Variants in TULP4 observed in about 807,000 individuals in gnomAD.
The protein encoded by TULP4 is tubby-related protein 4.
TULP4 carries 16 observed loss-of-function variants against 129.0 expected under a neutral mutation model. The ratio of observed to expected loss-of-function variants is 0.12; its 90% CI spans 0.08 to 0.19. The LOEUF is 0.19. TULP4 is among the 10% of genes least tolerant of loss of function. The pLI is 1.00. For missense variants in TULP4, 1,842 were observed against 2,059.1 expected (o/e 0.89, Z 2.04); for synonymous variants, 998 against 854.0 (o/e 1.17, Z -2.94).
intron 5 of TULP4, among the ~76,000 whole-genome samples, chr6:158,454,841 G>A (rs999632534): frequency 2.6e-5 from 4 of 151,734 alleles, no homozygotes; most frequent in African/African-American, 9.7e-5. Context: ...TCTGACCTCA[G>A]GTGATCCACC....
intron 1 of TULP4, among the ~76,000 whole-genome samples, chr6:158,405,633 A>G (rs968928302): frequency 4.6e-5 from 7 of 152,172 alleles, no homozygotes; most frequent in African/African-American, 1.7e-4. Flanking sequence ...GTCTAGACAC[A>G]TTCCAGAGCC....
chr6:158,287,708 G>A (rs1778855696), intron 1 of TULP4, among the ~76,000 whole-genome samples: 1 of 152,208 alleles, frequency 6.6e-6, no homozygotes, highest in Admixed American at 6.5e-5. Context: ...AAAGTTGGGG[G>A]AATTTGGGAT....
chr6:158,351,660 A>G (rs1371400409), intron 1 of TULP4, among the ~76,000 whole-genome samples: 2 of 147,106 alleles, frequency 1.4e-5, no homozygotes, highest in African/African-American at 5.0e-5. Context: ...AAAGCTGATG[A>G]ATTTGTGATG....
intron 6 of TULP4, among the ~76,000 whole-genome samples, chr6:158,466,860 T>C (rs1363366609): frequency 2.5e-5 from 3 of 121,562 alleles, no homozygotes; most frequent in East Asian, 4.5e-4. Context: ...TTGCACCTGC[T>C]CTTTGTGGGT....
chr6:158,344,162 C>G (rs968022775), intron 1 of TULP4, among the ~76,000 whole-genome samples: 1 of 152,192 alleles, frequency 6.6e-6, no homozygotes, highest in Non-Finnish European at 1.5e-5. Context: ...GAGATCCACC[C>G]CCTGCCCGCA....
chr6:158,237,982 T>G (rs1390204741), intron 1 of TULP4: 9 of 725,662 alleles, frequency 1.2e-5, no homozygotes, highest in Non-Finnish European at 2.3e-5. Flanking sequence ...GTTTGCAGCT[T>G]CTTTTATCAA....
intron 1 of TULP4, among the ~76,000 whole-genome samples, chr6:158,401,417 A>G (rs1204728671): frequency 6.6e-6 from 1 of 152,164 alleles, no homozygotes; most frequent in Non-Finnish European, 1.5e-5. Context: ...ACTAACAAGA[A>G]CTGTATAAAA....
At chr6:158,282,771 A>C (rs568660889) in intron 1 of TULP4, 2 of 152,240 alleles carry the variant, frequency 1.3e-5, no homozygotes, top group Non-Finnish European at 2.9e-5. Flanking sequence ...TGCTTTCTTG[A>C]TGAACCCCAT....
rs1038358222 is a variant in TULP4 at position 158,501,885 on chromosome 6, C to T, written c.2222C>T (p.Ala741Val). ...ACAGCAGAACATGCAGGTGACAGTG[C>T]CACCCAGTACCCAGTCTCCAACCGG... ...VGTAEHAGDS[A>V]TQYPVSNRYS... The change falls in exon 13 of 14, where the codon GCC (alanine) becomes GTC (valine). Residue 741 changes from alanine (A) to valine (V), a missense_variant. Ala to Val is a moderately conservative substitution (Grantham distance 64, BLOSUM62 0). This residue lies in a region of TULP4 where 1,089 missense variants were observed against 987.1 expected (regional missense o/e 1.10). Coordinates refer to ENST00000367097, the MANE Select transcript of TULP4 (RefSeq NM_020245.5). The T allele has an allele frequency of 2.5e-6, 4 of 1,614,012 alleles. No individual in the cohort carries two copies. In the African/African-American group the frequency reaches 4.0e-5, roughly 16 times the overall value.
chr6:158,442,383 A>ATG (rs1369373051), intron 3 of TULP4, among the ~76,000 whole-genome samples: 1 of 152,124 alleles, frequency 6.6e-6, no homozygotes, highest in Non-Finnish European at 1.5e-5. Flanking sequence ...GAACCTTACT[A>ATG]TGGCACTAGG....
chr6:158,470,245 G>T (rs555226805), intron 6 of TULP4, among the ~76,000 whole-genome samples: 1 of 152,342 alleles, frequency 6.6e-6, no homozygotes, highest in South Asian at 2.1e-4. Context: ...GTCTGCGACG[G>T]CGGCAAACAG....
At chr6:158,459,251 A>C (rs1189254672) in intron 5 of TULP4, among the ~76,000 whole-genome samples, 3 of 152,124 alleles carry the variant, frequency 2.0e-5, no homozygotes, top group Non-Finnish European at 4.4e-5. Context: ...ACCAACATGG[A>C]GAAAACCCGT....
At chr6:158,432,542 GCTA>G (rs1449980551) in intron 3 of TULP4, among the ~76,000 whole-genome samples, 2 of 152,212 alleles carry the variant, frequency 1.3e-5, no homozygotes, top group Non-Finnish European at 2.9e-5. Flanking sequence ...GGGATTTTAG[GCTA>G]CTTCCTGTCA....
At chr6:158,370,521 A>G (rs1645582819) in intron 1 of TULP4, among the ~76,000 whole-genome samples, 1 of 150,028 alleles carries the variant, frequency 6.7e-6, no homozygotes, top group South Asian at 2.1e-4. Context: ...TGACAGAGCA[A>G]GCCTCTGTCT....
chr6:158,420,319 C>A (rs1451078110), intron 2 of TULP4, among the ~76,000 whole-genome samples: 4 of 152,166 alleles, frequency 2.6e-5, no homozygotes, highest in African/African-American at 9.7e-5. Flanking sequence ...GGTGACAGGT[C>A]AGATTTGGCT....
Position 158,413,094 on chromosome 6 carries a change from C to T in TULP4, c.282C>T (p.Tyr94=), listed in dbSNP as rs772999072. ...TGCTGGTGAGGTGGAATGAGCCCTA[C>T]CAGAAACTGGCCACGTGCGATGCGG... ...EVVLVRWNEP[Y]QKLATCDADG... Residue 94 remains tyrosine (Y), a synonymous_variant, in exon 2 of 14, where the codon TAC becomes TAT. Coordinates refer to ENST00000367097, the MANE Select transcript of TULP4 (RefSeq NM_020245.5). This position sits in a 1 kb window ranked among gnomAD's most constrained non-coding sequence, Gnocchi z 4.9. 1.9e-6 allele frequency: 3 copies of T among 1,613,610 alleles called. No individual in the cohort carries two copies. The highest frequency in any genetic ancestry group is 2.5e-6 in the Non-Finnish European group (3 of 1,179,612).
intron 1 of TULP4, among the ~76,000 whole-genome samples, chr6:158,298,060 C>T (rs1429829405): frequency 6.6e-6 from 1 of 152,060 alleles, no homozygotes; most frequent in Admixed American, 6.5e-5. Context: ...TTAGCGATAC[C>T]TCTCCTATTT....
At position 158,449,164 on chromosome 6, in the gene TULP4, G is replaced by T; in HGVS notation, c.712G>T (p.Ala238Ser). ...GAGCGACACGGACTCAGATGACTAC[G>T]CCCCTCCCCAAGGTACTCATTGGCC... Reference protein sequence around the residue: ...SESDTDSDDYAPPQDGPAAYP... With the variant: ...SESDTDSDDYSPPQDGPAAYP... The change falls in exon 4 of 14, where the codon GCC becomes TCC. Residue 238 changes from alanine to serine, a missense_variant. Physicochemically the swap from Ala to Ser is moderately conservative, Grantham distance 99. This residue lies in a region of TULP4 where 456 missense variants were observed against 534.3 expected (regional missense o/e 0.85). Coordinates refer to ENST00000367097, the MANE Select transcript of TULP4 (RefSeq NM_020245.5). 1 of 1,612,574 alleles carries T rather than the reference G, an allele frequency of 6.2e-7. No individual in the cohort carries two copies.
At chr6:158,259,673 A>G (rs968516799) in intron 1 of TULP4, among the ~76,000 whole-genome samples, 21 of 152,232 alleles carry the variant, frequency 1.4e-4, no homozygotes, top group Admixed American at 7.2e-4. Flanking sequence ...AATGTCAGAC[A>G]TGAGTTCTGC....
Sources: allele counts gnomAD v4.1 joint callset (sites outside exome capture counted in the v4.1 genomes callset), GRCh38; gene constraint gnomAD v4.1.1; regional missense constraint gnomAD v4.1.1; non-coding constraint Gnocchi (gnomAD v3.1); transcripts MANE v1.5; gene names NCBI Gene and HGNC (gene_info 2026-07-23, HGNC 2026-07-21).